Variants in CCDC175 observed in about 807,000 individuals in gnomAD.
The protein encoded by CCDC175 is coiled-coil domain-containing protein 175.
In CCDC175, 100 loss-of-function variants were observed where a neutral mutation model predicts 114.6. The ratio of observed to expected loss-of-function variants is 0.87; its 90% CI spans 0.74 to 1.03. CCDC175 has a LOEUF of 1.03. Among genes scored for constraint, CCDC175 ranks in the 50% least tolerant of loss-of-function variants. CCDC175 has a pLI of 0.00. For missense variants in CCDC175, 880 were observed against 917.8 expected (o/e 0.96, Z 0.53); for synonymous variants, 306 against 308.7 (o/e 0.99, Z 0.09).
At chr14:59,545,095 AC>A in intron 9 of CCDC175, 67 bp downstream of exon 9, 1 of 1,415,446 alleles carries the variant, frequency 7.1e-7, no homozygotes, top group Non-Finnish European at 9.4e-7. Flanking sequence ...GAGAGCCACC[AC>A]TTTGATAGCA....
At chr14:59,548,347 T>G (rs918984722) in intron 8 of CCDC175, among the ~76,000 whole-genome samples, 2 of 152,152 alleles carry the variant, frequency 1.3e-5, no homozygotes, top group Non-Finnish European at 2.9e-5. Context: ...TGAATGTCAA[T>G]CTTTGAATGT....
Sources: allele counts gnomAD v4.1 joint callset (sites outside exome capture counted in the v4.1 genomes callset), GRCh38; gene constraint gnomAD v4.1.1; transcripts MANE v1.5; gene names NCBI Gene and HGNC (gene_info 2026-07-23, HGNC 2026-07-21).